Variants in GRIK1 observed in about 807,000 individuals in gnomAD.
GRIK1 encodes the protein glutamate receptor ionotropic, kainate 1.
GRIK1 carries 69 observed loss-of-function variants against 105.7 expected under a neutral mutation model. The observed-to-expected ratio is 0.65, with a 90% CI of 0.54 to 0.80. GRIK1 has a LOEUF of 0.80. GRIK1 is among the 30% of genes least tolerant of loss of function. The pLI, the probability that GRIK1 is intolerant of heterozygous loss-of-function variation, is 0.00. For synonymous variants in GRIK1, 438 were observed against 431.3 expected (o/e 1.02, Z -0.19); for missense variants, 1,109 against 1,167.3 (o/e 0.95, Z 0.73).
At chr21:29,560,349 TTCTTTCTTTTTCTTTCTTCCTTCCTTC>T (rs1568813209) in intron 15 of GRIK1, among the ~76,000 whole-genome samples, 4 of 105,308 alleles carry the variant, frequency 3.8e-5, no homozygotes, top group Admixed American at 3.0e-4. Flanking sequence ...CTTTCTTTCT[TTCTTTCTTTTTCTTTCTTCCTTCCTTC>T]CTTCCTTCCT....
chr21:29,624,945 C>A (rs964163535), intron 7 of GRIK1, among the ~76,000 whole-genome samples: 4 of 152,202 alleles, frequency 2.6e-5, no homozygotes, highest in Non-Finnish European at 5.9e-5. Flanking sequence ...TTGATCCAGG[C>A]CTTTCTTCTT....
At chr21:29,596,300 T>G (rs1039784854) in intron 9 of GRIK1, 8 of 668,842 alleles carry the variant, frequency 1.2e-5, no homozygotes, top group Non-Finnish European at 1.9e-5. Flanking sequence ...GGGGGAAATA[T>G]TTAATCCATA....
At chr21:29,872,642 A>G (rs1028556102) in intron 1 of GRIK1, among the ~76,000 whole-genome samples, 10 of 152,190 alleles carry the variant, frequency 6.6e-5, no homozygotes, top group Non-Finnish European at 1.2e-4. Flanking sequence ...TGATGGACTC[A>G]CAGTTCCACG....
chr21:29,641,800 GGATCA>G (rs1292989337), intron 7 of GRIK1, among the ~76,000 whole-genome samples: 1 of 152,268 alleles, frequency 6.6e-6, no homozygotes, highest in African/African-American at 2.4e-5. Flanking sequence ...TCACCCTCAT[GGATCA>G]GAGTCAGCCT....
intron 12 of GRIK1, among the ~76,000 whole-genome samples, chr21:29,583,694 G>T (rs1162742770): frequency 6.6e-6 from 1 of 152,160 alleles, no homozygotes; most frequent in African/African-American, 2.4e-5. Context: ...GATATTTTAG[G>T]TCTTTCTCTC....
At chr21:29,925,081 A>G (rs1329890080) in intron 1 of GRIK1, among the ~76,000 whole-genome samples, 2 of 152,232 alleles carry the variant, frequency 1.3e-5, no homozygotes, top group African/African-American at 4.8e-5. Context: ...TGTTCTTATT[A>G]CTACGTGATG....
intron 1 of GRIK1, among the ~76,000 whole-genome samples, chr21:29,936,632 T>A (rs567713916): frequency 6.6e-6 from 1 of 152,242 alleles, no homozygotes; most frequent in East Asian, 1.9e-4. Flanking sequence ...ACCACTATCC[T>A]ACCGACCTTC....
intron 7 of GRIK1, among the ~76,000 whole-genome samples, chr21:29,613,801 T>C (rs1022527185): frequency 6.6e-6 from 1 of 152,172 alleles, no homozygotes; most frequent in South Asian, 2.1e-4. Context: ...GTATAGTTAT[T>C]GGAATGTTGA....
chr21:29,826,699 T>A (rs1569135710), intron 1 of GRIK1, among the ~76,000 whole-genome samples: 1 of 152,040 alleles, frequency 6.6e-6, no homozygotes, highest in Non-Finnish European at 1.5e-5. Flanking sequence ...TGAACGTATA[T>A]AAATATATAT....
intron 1 of GRIK1, among the ~76,000 whole-genome samples, chr21:29,834,462 A>C (rs934524745): frequency 2.0e-5 from 3 of 151,420 alleles, no homozygotes; most frequent in South Asian, 4.2e-4. Flanking sequence ...AGAGAAACTG[A>C]TGGATCTGCT....
intron 1 of GRIK1, among the ~76,000 whole-genome samples, chr21:29,695,624 A>G (rs1406744094): frequency 1.3e-5 from 2 of 152,008 alleles, no homozygotes; most frequent in Non-Finnish European, 2.9e-5. Flanking sequence ...ACAGGCATGC[A>G]CCACCATGAC....
intron 7 of GRIK1, among the ~76,000 whole-genome samples, chr21:29,637,202 A>C (rs2062413890): frequency 6.6e-6 from 1 of 152,184 alleles, no homozygotes; most frequent in Admixed American, 6.5e-5. Context: ...AACTGATGTA[A>C]CGTAAGATCT....
chr21:29,603,600 T>C (rs2061559330), intron 7 of GRIK1, among the ~76,000 whole-genome samples: 1 of 152,192 alleles, frequency 6.6e-6, no homozygotes, highest in African/African-American at 2.4e-5. Flanking sequence ...CATTCTCCTT[T>C]TTCTCCCCGT....
chr21:29,777,447 T>A (rs984713358), intron 1 of GRIK1, among the ~76,000 whole-genome samples: 5 of 152,006 alleles, frequency 3.3e-5, no homozygotes, highest in African/African-American at 1.2e-4. Flanking sequence ...GATGTGAAAA[T>A]TTTCCCAGGA....
At chr21:29,922,101 T>C (rs376827958) in intron 1 of GRIK1, among the ~76,000 whole-genome samples, 10 of 152,284 alleles carry the variant, frequency 6.6e-5, no homozygotes, top group African/African-American at 2.4e-4. Flanking sequence ...TTTTCCGCTC[T>C]TGGGTTACAT....
At chr21:29,848,094 C>T (rs927370658) in intron 1 of GRIK1, among the ~76,000 whole-genome samples, 15 of 152,140 alleles carry the variant, frequency 9.9e-5, no homozygotes, top group East Asian at 3.9e-4. Context: ...ACTTGATCGT[C>T]TCAGCCAATT....
chr21:29,832,480 A>G (rs902372137), intron 1 of GRIK1, among the ~76,000 whole-genome samples: 2 of 152,146 alleles, frequency 1.3e-5, no homozygotes, highest in African/African-American at 4.8e-5. Flanking sequence ...CACCCTCTGA[A>G]ATCTAGGCAG....
chr21:29,701,523 A>T (rs1029252305), intron 1 of GRIK1, among the ~76,000 whole-genome samples: 3 of 152,214 alleles, frequency 2.0e-5, no homozygotes, highest in African/African-American at 7.2e-5. Flanking sequence ...GGATTGGAGC[A>T]GATCACAGAG....
At chr21:29,610,668 G>A (rs1380091358) in intron 7 of GRIK1, among the ~76,000 whole-genome samples, 6 of 152,084 alleles carry the variant, frequency 3.9e-5, no homozygotes, top group African/African-American at 9.7e-5. Context: ...TGAGACTTGT[G>A]TTAGAGTTCT....
Sources: gnomAD v4.1 joint callset for allele counts (sites outside exome capture counted in the v4.1 genomes callset) on GRCh38, gnomAD v4.1.1 for gene constraint, MANE v1.5 for transcripts, NCBI Gene and HGNC (gene_info 2026-07-23, HGNC 2026-07-21) for gene names.